CDKAL1: variants seen among roughly 807,000 people sequenced by gnomAD.
The protein encoded by CDKAL1 is CDKAL1 threonylcarbamoyladenosine tRNA methylthiotransferase.
In CDKAL1, 32 loss-of-function variants were observed where a neutral mutation model predicts 68.2. The observed-to-expected ratio is 0.47, with a 90% CI of 0.35 to 0.63. CDKAL1 has a LOEUF of 0.63. Among genes scored for constraint, CDKAL1 ranks in the 30% least tolerant of loss-of-function variants. The pLI is 0.00. For synonymous variants in CDKAL1, 234 were observed against 244.3 expected (o/e 0.96, Z 0.39); for missense variants, 606 against 696.7 (o/e 0.87, Z 1.47).
intron 12 of CDKAL1, among the ~76,000 whole-genome samples, chr6:21,088,862 A>C (rs1772843230): frequency 6.6e-6 from 1 of 152,202 alleles, no homozygotes; most frequent in South Asian, 2.1e-4. Flanking sequence ...GAAGCACTTG[A>C]AACTGGGAGG....
At chr6:21,161,048 G>A (rs182054691) in intron 13 of CDKAL1, among the ~76,000 whole-genome samples, 1 of 152,194 alleles carries the variant, frequency 6.6e-6, no homozygotes, top group East Asian at 1.9e-4. Context: ...TTGGCTGGGG[G>A]GGTGCAGTGA....
chr6:21,146,210 A>C (rs1776161652), intron 13 of CDKAL1, among the ~76,000 whole-genome samples: 1 of 152,124 alleles, frequency 6.6e-6, no homozygotes, highest in Non-Finnish European at 1.5e-5. Flanking sequence ...GAGCTCCAAC[A>C]CGTGCTTTCT....
At chr6:20,755,701 G>A (rs2819996) in intron 6 of CDKAL1, among the ~76,000 whole-genome samples, 24,087 of 152,086 alleles carry the variant, frequency 0.16, 2,092 homozygotes, top group East Asian at 0.34. Context: ...CCTTGGGTCA[G>A]TCTGTTTGTC....
intron 13 of CDKAL1, among the ~76,000 whole-genome samples, chr6:21,153,139 T>C (rs1361358960): frequency 6.6e-6 from 1 of 152,098 alleles, no homozygotes; most frequent in Non-Finnish European, 1.5e-5. Context: ...CCAATTATAT[T>C]CTTAACCTGT....
At chr6:20,654,285 T>C (rs1768921216) in intron 5 of CDKAL1, among the ~76,000 whole-genome samples, 1 of 151,166 alleles carries the variant, frequency 6.6e-6, no homozygotes, top group African/African-American at 2.4e-5. Context: ...TCAGGTCATT[T>C]GTCTATTTTT....
At chr6:20,930,544 A>G (rs911667060) in intron 9 of CDKAL1, among the ~76,000 whole-genome samples, 1 of 152,202 alleles carries the variant, frequency 6.6e-6, no homozygotes, top group Non-Finnish European at 1.5e-5. Flanking sequence ...TCCAAAGGCA[A>G]TGGCCGCTGG....
rs74712130 is a variant in CDKAL1, at chr6:20,893,719, A to G, written c.742+47541A>G. On this transcript the variant is annotated intron_variant, in intron 9 of 15. Transcript: ENST00000274695. ...TTAGCATCTCCATCCTCAATTGCCT[A>G]TTCTGCAAAATGAGGATAATAACAG... 3.0e-4 allele frequency among the ~76,000 whole-genome samples: 45 copies of G among 152,304 alleles called. 1 individual carries two copies. The East Asian group carries it at 7.1e-3, about 24-fold the overall frequency.
chr6:20,666,227 G>A (rs1769536249), intron 5 of CDKAL1, among the ~76,000 whole-genome samples: 1 of 151,748 alleles, frequency 6.6e-6, no homozygotes, highest in African/African-American at 2.4e-5. Flanking sequence ...TCTTACCAGT[G>A]CTCAGGGAAA....
intron 4 of CDKAL1, among the ~76,000 whole-genome samples, chr6:20,589,789 G>T (rs1268946758): frequency 6.6e-6 from 1 of 152,086 alleles, no homozygotes; most frequent in Non-Finnish European, 1.5e-5. Context: ...TGCTAAAAAT[G>T]ATGTCCAAAT....
intron 4 of CDKAL1, among the ~76,000 whole-genome samples, chr6:20,646,824 A>C (rs575461909): frequency 6.6e-6 from 1 of 152,028 alleles, no homozygotes; most frequent in African/African-American, 2.4e-5. Flanking sequence ...GCTTACTGCA[A>C]CCTCCACCTC....
At chr6:20,672,218 CCTTT>C (rs1393053287) in intron 5 of CDKAL1, among the ~76,000 whole-genome samples, 25 of 143,682 alleles carry the variant, frequency 1.7e-4, no homozygotes, top group Admixed American at 7.8e-4. Flanking sequence ...TTTCTTTCTT[CCTTT>C]CTTTCTTTTC....
chr6:20,557,041 C>CAAA (rs199509135), intron 4 of CDKAL1, among the ~76,000 whole-genome samples: 231 of 120,916 alleles, frequency 1.9e-3, no homozygotes, highest in East Asian at 4.2e-3. Context: ...GTCTCCATCT[C>CAAA]AAAAAAAAAA....
At chr6:21,162,134 A>G (rs80070083) in intron 13 of CDKAL1, among the ~76,000 whole-genome samples, 3,849 of 152,294 alleles carry the variant, frequency 0.025, 167 homozygotes, top group African/African-American at 0.087. Context: ...TTCAAACTCC[A>G]GAAATGTGAG....
At chr6:21,068,845 A>G (rs1771598304) in intron 12 of CDKAL1, among the ~76,000 whole-genome samples, 1 of 152,152 alleles carries the variant, frequency 6.6e-6, no homozygotes, top group African/African-American at 2.4e-5. Flanking sequence ...TAAATGAAGT[A>G]TATGTCTCCA....
At chr6:20,720,933 A>G (rs1772321790) in intron 5 of CDKAL1, among the ~76,000 whole-genome samples, 1 of 152,170 alleles carries the variant, frequency 6.6e-6, no homozygotes, top group Non-Finnish European at 1.5e-5. Context: ...GCTGCAAATG[A>G]CATTATTTCT....
chr6:20,823,506 T>A (rs1333541351), intron 8 of CDKAL1, among the ~76,000 whole-genome samples: 2 of 152,170 alleles, frequency 1.3e-5, no homozygotes, highest in Non-Finnish European at 2.9e-5. Flanking sequence ...TTTCCTGTTT[T>A]GAAAAAAAGA....
At chr6:21,193,271 CA>C (rs1367148598) in intron 13 of CDKAL1, among the ~76,000 whole-genome samples, 1 of 151,988 alleles carries the variant, frequency 6.6e-6, no homozygotes, top group African/African-American at 2.4e-5. Flanking sequence ...CTGTAATTTG[CA>C]GAGGGCTGTA....
intron 9 of CDKAL1, among the ~76,000 whole-genome samples, chr6:20,916,850 A>G (rs1762743647): frequency 6.6e-6 from 1 of 152,160 alleles, no homozygotes; most frequent in Non-Finnish European, 1.5e-5. Flanking sequence ...GTATAAAACT[A>G]CCTTAGGACT....
chr6:20,618,822 G>A (rs973791044), intron 4 of CDKAL1, among the ~76,000 whole-genome samples: 4 of 151,998 alleles, frequency 2.6e-5, no homozygotes, highest in Admixed American at 6.6e-5. Flanking sequence ...AGGACCACAG[G>A]CACGTGCCAC....
Sources: gnomAD v4.1 joint callset for allele counts (sites outside exome capture counted in the v4.1 genomes callset) on GRCh38, gnomAD v4.1.1 for gene constraint, MANE v1.5 for transcripts, NCBI Gene and HGNC (gene_info 2026-07-23, HGNC 2026-07-21) for gene names.